LRMDA: variants seen among roughly 807,000 people sequenced by gnomAD.
LRMDA encodes the protein leucine rich melanocyte differentiation associated.
LRMDA carries 18 observed loss-of-function variants against 29.8 expected under a neutral mutation model. That is an observed-to-expected ratio of 0.60 (90% CI 0.42 to 0.90). The LOEUF (loss-of-function observed/expected upper bound fraction) is 0.90. Among genes scored for constraint, LRMDA ranks in the 40% least tolerant of loss-of-function variants. The pLI is 0.00. For synonymous variants in LRMDA, 125 were observed against 109.4 expected (o/e 1.14, Z -0.89); for missense variants, 273 against 273.9 (o/e 1.00, Z 0.02).
At chr10:75,528,789 T>G (rs1344039808) in intron 2 of LRMDA, among the ~76,000 whole-genome samples, 1 of 152,310 alleles carries the variant, frequency 6.6e-6, no homozygotes, top group Admixed American at 6.5e-5. Flanking sequence ...AATCAGGGAC[T>G]ATGCTGGGAG....
At chr10:75,540,439 CAT>C (rs1720880659) in intron 2 of LRMDA, among the ~76,000 whole-genome samples, 1 of 152,178 alleles carries the variant, frequency 6.6e-6, no homozygotes, top group Non-Finnish European at 1.5e-5. Context: ...ACATTTGTCC[CAT>C]GTGTGTGGCC....
At chr10:76,077,762 C>A (rs1194164510) in intron 5 of LRMDA, among the ~76,000 whole-genome samples, 1 of 151,958 alleles carries the variant, frequency 6.6e-6, no homozygotes, top group East Asian at 1.9e-4. Context: ...TGCCAAGCAG[C>A]AACGACATTG....
intron 1 of LRMDA, among the ~76,000 whole-genome samples, chr10:75,435,545 T>C (rs1248610212): frequency 1.3e-5 from 2 of 152,230 alleles, no homozygotes; most frequent in Non-Finnish European, 2.9e-5. Context: ...AGATTACTTA[T>C]CGAGTTGGTT....
rs561878195 is a variant in LRMDA at position 75,514,269 on chromosome 10, C to G, written c.131+75775C>G. 8.6e-5 allele frequency among the ~76,000 whole-genome samples: 13 copies of G among 151,502 alleles called. No individual in the cohort carries two copies. The East Asian group carries it at 9.7e-4, about 11-fold the overall frequency. On this transcript the variant is annotated intron_variant, in intron 2 of 6. Coordinates refer to ENST00000611255, the MANE Select transcript of LRMDA (RefSeq NM_001305581.2). ...CTCTTCCTTTCTTCTCCTCATCCCC[C>G]TCCTCCTTCTTCCTTCCTCCTCCCT...
chr10:75,811,111 T>C (rs1436391902), intron 2 of LRMDA, among the ~76,000 whole-genome samples: 3 of 152,194 alleles, frequency 2.0e-5, no homozygotes, highest in Non-Finnish European at 2.9e-5. Context: ...CCTTATTGGA[T>C]AAATACATTT....
chr10:75,902,853 G>A (rs977411177), intron 2 of LRMDA, among the ~76,000 whole-genome samples: 5 of 152,128 alleles, frequency 3.3e-5, no homozygotes, highest in Admixed American at 1.3e-4. Context: ...TGGTTCCCCC[G>A]ACAACCCCCC....
chr10:76,046,611 A>G (rs1011934439), intron 3 of LRMDA, among the ~76,000 whole-genome samples: 9 of 152,106 alleles, frequency 5.9e-5, no homozygotes, highest in African/African-American at 2.2e-4. Flanking sequence ...CAGCTTCCCA[A>G]GTAGCTGGGA....
chr10:76,469,559 G>C (rs1328687656), intron 6 of LRMDA, among the ~76,000 whole-genome samples: 1 of 152,078 alleles, frequency 6.6e-6, no homozygotes, highest in African/African-American at 2.4e-5. Context: ...CAGTGGGAGA[G>C]CAGTCCATAA....
intron 2 of LRMDA, among the ~76,000 whole-genome samples, chr10:75,482,288 A>C (rs538289981): frequency 1.3e-5 from 2 of 152,224 alleles, no homozygotes; most frequent in Admixed American, 6.5e-5. Context: ...ACTGGACCTC[A>C]CCATGAACTC....
chr10:75,668,504 A>G (rs948902176), intron 2 of LRMDA, among the ~76,000 whole-genome samples: 3 of 152,032 alleles, frequency 2.0e-5, no homozygotes, highest in Non-Finnish European at 4.4e-5. Flanking sequence ...GATTTATACA[A>G]CCACTCTCGG....
At chr10:75,477,879 G>C (rs1185513626) in intron 2 of LRMDA, among the ~76,000 whole-genome samples, 1 of 152,230 alleles carries the variant, frequency 6.6e-6, no homozygotes, top group Non-Finnish European at 1.5e-5. Context: ...TGTCATGCAG[G>C]CCTCCTTGTC....
chr10:75,763,274 A>G (rs556092090), intron 2 of LRMDA, among the ~76,000 whole-genome samples: 6 of 151,806 alleles, frequency 4.0e-5, no homozygotes, highest in African/African-American at 1.5e-4. Context: ...ATTTCAGAAA[A>G]TCTGTTCCTG....
chr10:76,472,705 C>T (rs927506376), intron 6 of LRMDA, among the ~76,000 whole-genome samples: 8 of 151,468 alleles, frequency 5.3e-5, no homozygotes, highest in Admixed American at 2.0e-4. Flanking sequence ...GGGAGCATTA[C>T]TATCAACCTG....
intron 5 of LRMDA, among the ~76,000 whole-genome samples, chr10:76,268,694 A>G (rs1029413241): frequency 6.6e-6 from 1 of 152,214 alleles, no homozygotes; most frequent in African/African-American, 2.4e-5. Context: ...GCTCCTGAGC[A>G]TTCTGCTTAC....
chr10:76,269,474 T>C (rs1840042326), intron 5 of LRMDA, among the ~76,000 whole-genome samples: 1 of 152,150 alleles, frequency 6.6e-6, no homozygotes, highest in South Asian at 2.1e-4. Context: ...ATATAGAAGA[T>C]GGGGTTGCCC....
chr10:76,254,735 G>A (rs1308104139), intron 5 of LRMDA, among the ~76,000 whole-genome samples: 2 of 151,808 alleles, frequency 1.3e-5, no homozygotes, highest in East Asian at 3.9e-4. Context: ...CTCTCTATTG[G>A]AAATACCTTT....
At chr10:76,159,042 C>A (rs542562000) in intron 5 of LRMDA, among the ~76,000 whole-genome samples, 6 of 152,218 alleles carry the variant, frequency 3.9e-5, no homozygotes, top group African/African-American at 1.4e-4. Flanking sequence ...TATGTACAAG[C>A]TCATATCCAT....
chr10:76,181,333 G>A (rs1362511058), intron 5 of LRMDA, among the ~76,000 whole-genome samples: 1 of 152,170 alleles, frequency 6.6e-6, no homozygotes, highest in Non-Finnish European at 1.5e-5. Flanking sequence ...CTTTTCCCCA[G>A]GATCTCAGTT....
Position 76,176,788 on chromosome 10 carries a change from G to A in LRMDA, c.516+118005G>A, listed in dbSNP as rs140530086. Among the ~76,000 whole-genome samples, 149 of 152,294 alleles carry A rather than the reference G, an allele frequency of 9.8e-4. 1 individual carries two copies. The highest frequency in any genetic ancestry group is 3.1e-3 in the African/African-American group (129 of 41,564). On this transcript the variant is annotated intron_variant, in intron 5 of 6. Coordinates refer to ENST00000611255, the MANE Select transcript of LRMDA (RefSeq NM_001305581.2). ...AGCCTGGGCAACAGAGCGAGACTCC[G>A]TCTCAAAAAGAGAAAAATTATAAAT... is the stretch of plus-strand genomic sequence containing the variant.
Sources: allele counts gnomAD v4.1 joint callset (sites outside exome capture counted in the v4.1 genomes callset), GRCh38; gene constraint gnomAD v4.1.1; transcripts MANE v1.5; gene names NCBI Gene and HGNC (gene_info 2026-07-23, HGNC 2026-07-21).